Variants in CDH18 observed in about 807,000 individuals in gnomAD.
CDH18 encodes the protein cadherin 18, also known as cadherin-18.
In CDH18, 31 loss-of-function variants were observed where a neutral mutation model predicts 67.9. That is an observed-to-expected ratio of 0.46 (90% CI 0.34 to 0.62). The LOEUF (loss-of-function observed/expected upper bound fraction) is 0.62. Among genes scored for constraint, CDH18 ranks in the 20% least tolerant of loss-of-function variants. The probability of loss-of-function intolerance (pLI) is 0.01; values close to 1 mark genes in which losing one functional copy is unlikely to be tolerated. For missense variants in CDH18, 890 were observed against 975.5 expected (o/e 0.91, Z 1.17); for synonymous variants, 362 against 347.2 (o/e 1.04, Z -0.48).
rs1347817229 is a variant in CDH18 at position 19,854,944 on chromosome 5, G to GT, written c.-256-15703dup. Among the ~76,000 whole-genome samples, 393 of 136,930 alleles carry GT rather than the reference G, an allele frequency of 2.9e-3. 1 individual carries two copies. The highest frequency in any genetic ancestry group is 3.4e-3 in the Non-Finnish European group (216 of 64,132). 89.8% of individuals were successfully genotyped at this position (136,930 alleles called of 152,430 possible). On this transcript the variant is annotated intron_variant, in intron 2 of 12. Transcript: ENST00000382275. Reference sequence around the variant, plus strand: ...TCCCTATCTCCATGAGTTCAGTTTTGTTTTTTTTTTTCTAGTTCCCTAAAT... The same window carrying GT: ...TCCCTATCTCCATGAGTTCAGTTTTGTTTTTTTTTTTTCTAGTTCCCTAAAT...
chr5:19,736,737 T>TA (rs1450531670), intron 4 of CDH18, among the ~76,000 whole-genome samples: 1 of 152,186 alleles, frequency 6.6e-6, no homozygotes, highest in Non-Finnish European at 1.5e-5. Flanking sequence ...GTGATAAACT[T>TA]AGAGAGTAGC....
chr5:19,746,288 C>T (rs1488934048), intron 4 of CDH18, among the ~76,000 whole-genome samples: 1 of 152,166 alleles, frequency 6.6e-6, no homozygotes, highest in Non-Finnish European at 1.5e-5. Flanking sequence ...GCTTTGCATT[C>T]AGCTAAACCT....
At chr5:20,172,188 G>GTGTA (rs1736772997) in intron 2 of CDH18, among the ~76,000 whole-genome samples, 4 of 15,166 alleles carry the variant, frequency 2.6e-4, no homozygotes, top group African/African-American at 5.6e-4. Flanking sequence ...ATAGCATTGT[G>GTGTA]TGTATATATA....
chr5:19,961,249 C>A (rs1796872530), intron 2 of CDH18, among the ~76,000 whole-genome samples: 1 of 151,568 alleles, frequency 6.6e-6, no homozygotes, highest in East Asian at 1.9e-4. Context: ...ATTACAGGCG[C>A]ACACCACAAC....
chr5:19,832,829 G>A (rs1781208644), intron 3 of CDH18, among the ~76,000 whole-genome samples: 1 of 152,062 alleles, frequency 6.6e-6, no homozygotes, highest in Admixed American at 6.6e-5. Flanking sequence ...TCGAAGATCA[G>A]ATGGTTGCAG....
chr5:20,104,152 GATT>G, intron 2 of CDH18, among the ~76,000 whole-genome samples: 1 of 151,244 alleles, frequency 6.6e-6, no homozygotes, highest in East Asian at 1.9e-4. Context: ...TATAGATATA[GATT>G]ATTATATATT....
intron 9 of CDH18, among the ~76,000 whole-genome samples, chr5:19,529,881 C>G (rs1748321089): frequency 6.6e-6 from 1 of 152,068 alleles, no homozygotes. Context: ...CAAATTGAAA[C>G]TTAGATTCAG....
chr5:20,366,227 T>C (rs189190669), intron 1 of CDH18, among the ~76,000 whole-genome samples: 11 of 152,256 alleles, frequency 7.2e-5, no homozygotes, highest in Admixed American at 5.2e-4. Context: ...GTGCTCCCTA[T>C]CTCATTTCAC....
chr5:19,717,874 C>A (rs1418868071), intron 5 of CDH18, among the ~76,000 whole-genome samples: 1 of 151,920 alleles, frequency 6.6e-6, no homozygotes, highest in Non-Finnish European at 1.5e-5. Flanking sequence ...GGCCCCTGTA[C>A]CTTTTAAATG....
intron 2 of CDH18, among the ~76,000 whole-genome samples, chr5:20,001,346 A>C (rs1356756777): frequency 6.6e-6 from 1 of 152,174 alleles, no homozygotes; most frequent in Admixed American, 6.6e-5. Context: ...TGTATAGGTG[A>C]ATATGTGTTT....
chr5:20,280,468 T>C (rs2126696927), intron 1 of CDH18, among the ~76,000 whole-genome samples: 1 of 152,312 alleles, frequency 6.6e-6, no homozygotes, highest in South Asian at 2.1e-4. Flanking sequence ...GTTTGCTTTT[T>C]GCCCTTGCGA....
chr5:20,280,116 T>C (rs1183099787), intron 1 of CDH18, among the ~76,000 whole-genome samples: 1 of 152,144 alleles, frequency 6.6e-6, no homozygotes, highest in Admixed American at 6.5e-5. Flanking sequence ...CAATGCAATC[T>C]CTATCAAAAT....
At chr5:20,237,160 G>A (rs1046788922) in intron 2 of CDH18, among the ~76,000 whole-genome samples, 1 of 151,824 alleles carries the variant, frequency 6.6e-6, no homozygotes, top group Non-Finnish European at 1.5e-5. Flanking sequence ...ATTAGAAATA[G>A]AAGAGAACTA....
At chr5:20,188,599 T>C (rs1385562977) in intron 2 of CDH18, among the ~76,000 whole-genome samples, 1 of 152,006 alleles carries the variant, frequency 6.6e-6, no homozygotes, top group African/African-American at 2.4e-5. Context: ...TATTCCTTTT[T>C]TGCTGTCACA....
chr5:19,778,523 A>G (rs1013317857), intron 3 of CDH18, among the ~76,000 whole-genome samples: 1 of 152,178 alleles, frequency 6.6e-6, no homozygotes, highest in African/African-American at 2.4e-5. Context: ...AAGATGAAAA[A>G]TGATTTTATC....
At chr5:20,351,592 G>GTT (rs59293761) in intron 1 of CDH18, among the ~76,000 whole-genome samples, 64,544 of 150,808 alleles carry the variant, frequency 0.43, 15,477 homozygotes, top group Middle Eastern at 0.62. Flanking sequence ...AGCTGAAAAT[G>GTT]TTTTTTTTTG....
intron 5 of CDH18, among the ~76,000 whole-genome samples, chr5:19,696,815 T>C (rs995576235): frequency 2.0e-5 from 3 of 152,170 alleles, no homozygotes; most frequent in Non-Finnish European, 4.4e-5. Flanking sequence ...ATGGGGCTTA[T>C]GATAAGCTCA....
chr5:19,578,705 T>C (rs1338314666), intron 7 of CDH18, among the ~76,000 whole-genome samples: 1 of 152,048 alleles, frequency 6.6e-6, no homozygotes, highest in African/African-American at 2.4e-5. Flanking sequence ...GAATTACAAG[T>C]ATACTTTCAG....
chr5:19,611,849 C>G lies in CDH18; in HGVS notation c.811+585G>C, dbSNP rs569361697. Among the ~76,000 whole-genome samples, 10 of 151,986 alleles carry G rather than the reference C, an allele frequency of 6.6e-5. No individual in the cohort carries two copies. In the East Asian group the frequency reaches 1.2e-3, roughly 18 times the overall value. ...CAGGATTCATATTTCTCCTCTCCCCCCAAAATTGCCTACTGAATTATGCTT... is the reference window on the plus strand; with the variant it reads ...CAGGATTCATATTTCTCCTCTCCCCGCAAAATTGCCTACTGAATTATGCTT... On this transcript the variant is annotated intron_variant, in intron 6 of 12. Transcript: ENST00000382275.
Sources: gnomAD v4.1 joint callset for allele counts (sites outside exome capture counted in the v4.1 genomes callset) on GRCh38, gnomAD v4.1.1 for gene constraint, MANE v1.5 for transcripts, NCBI Gene and HGNC (gene_info 2026-07-23, HGNC 2026-07-21) for gene names.